JAG1: variants seen among roughly 807,000 people sequenced by gnomAD.
JAG1 encodes jagged canonical Notch ligand 1, also known as protein jagged-1.
JAG1 carries 23 observed loss-of-function variants against 148.7 expected under a neutral mutation model. That is an observed-to-expected ratio of 0.15 (90% CI 0.11 to 0.22). The LOEUF (loss-of-function observed/expected upper bound fraction) is 0.22. Ranked by LOEUF, JAG1 falls within the 10% of genes least tolerant of loss-of-function variation. The pLI, the probability that JAG1 is intolerant of heterozygous loss-of-function variation, is 1.00. For synonymous variants in JAG1, 572 were observed against 598.3 expected, an observed-to-expected ratio of 0.96 and a Z score of 0.64; for missense variants, 1,054 against 1,611.2, an observed-to-expected ratio of 0.65 and a Z score of 5.92.
At chr20:10,660,289 C>A (rs1183160634) in intron 3 of JAG1, among the ~76,000 whole-genome samples, 2 of 147,270 alleles carry the variant, frequency 1.4e-5, no homozygotes. Context: ...TACCTGCAGC[C>A]TGACACCCCG....
intron 2 of JAG1, among the ~76,000 whole-genome samples, chr20:10,667,053 A>G (rs2067458878): frequency 6.6e-6 from 1 of 152,244 alleles, no homozygotes; most frequent in Non-Finnish European, 1.5e-5. Context: ...GGATGTAAGA[A>G]ACAAAGGTAA....
chr20:10,640,064 A>AG, intron 25 of JAG1, 109 bp from the exon 26 acceptor site: 1 of 865,288 alleles, frequency 1.2e-6, no homozygotes. Flanking sequence ...TATCCCTAAG[A>AG]GGGGGGCCAC....
rs1405600714 is a variant in JAG1 at position 10,672,743 on chromosome 20, G to A, written c.345C>T (p.Asn115=). The A allele has an allele frequency of 6.2e-7, 1 of 1,613,064 alleles. No homozygotes were observed. The highest frequency in any genetic ancestry group is 1.7e-5 in the Admixed American group (1 of 60,036). ...NTFNLKASRG[N]DRNRIVLPFS... is the part of the protein sequence containing the mutation. ...AAGGCAGCACGATGCGGTTGCGGTC[G>A]TTGCCGCGGCTGGCCTTGAGGTTGA... The change falls in exon 2 of 26, where the codon AAC becomes AAT. Residue 115 remains asparagine (N), a synonymous_variant. Coordinates refer to ENST00000254958, the MANE Select transcript of JAG1 (RefSeq NM_000214.3).
intron 23 of JAG1, 29 bp from the exon 24 acceptor site, chr20:10,641,273 G>A (rs749716879): frequency 3.1e-5 from 50 of 1,611,652 alleles, no homozygotes; most frequent in Admixed American, 2.5e-4. Context: ...ACCCACACAC[G>A]TGTAAGATTG....
At chr20:10,646,889 C>T (rs752025280) in intron 14 of JAG1, 50 bp downstream of exon 14, 7 of 1,574,534 alleles carry the variant, frequency 4.4e-6, no homozygotes, top group South Asian at 1.1e-5. Flanking sequence ...GAGGCAGGGG[C>T]AGGGGCAGGC....
intron 13 of JAG1, among the ~76,000 whole-genome samples, chr20:10,647,509 G>A (rs1189444301): frequency 6.6e-6 from 1 of 152,186 alleles, no homozygotes; most frequent in Non-Finnish European, 1.5e-5. Context: ...GCAGCCACCG[G>A]CCACATGTGG....
rs1411042222 is a variant in JAG1, at chr20:10,645,080, C to T, written c.2227+63G>A. The stretch of plus-strand genomic sequence containing the variant: ...GAGAAATATCATAAGCTCCAGGGGC[C>T]AACCAGCAGACACGCCCAGGTGGCC... On this transcript the variant is annotated intron_variant, in intron 17 of 25. Transcript: ENST00000254958. The surrounding 1 kb of genome is among the most constrained non-coding windows in gnomAD (Gnocchi z 6.1). The T allele has an allele frequency of 1.3e-6, 2 of 1,523,296 alleles. No homozygotes were observed. Among genetic ancestry groups the T allele is most frequent in the African/African-American group, 2.7e-5 (2 of 73,104 alleles). 94.4% of individuals were successfully genotyped at this position (1,523,296 alleles called of 1,614,324 possible).
chr20:10,647,340 A>G, intron 13 of JAG1: 1 of 575,386 alleles, frequency 1.7e-6, no homozygotes, highest in South Asian at 2.0e-5. Context: ...AGGAAAACCC[A>G]CATGCTTGTG....
In JAG1 at chr20:10,648,557, G is replaced by A; in HGVS notation, c.1561C>T (p.Leu521Phe). The change falls in exon 12 of 26, where the codon CTC (leucine) becomes TTC (phenylalanine). Residue 521 changes from leucine (L) to phenylalanine (F), a missense_variant. Physicochemically the swap from Leu to Phe is conservative, Grantham distance 22 (BLOSUM62 0). This residue lies in a region of JAG1 where 245 missense variants were observed against 373.1 expected (regional missense o/e 0.66). Coordinates refer to ENST00000254958, the MANE Select transcript of JAG1 (RefSeq NM_000214.3). ...CLCPTGFSGN[L>F]CQLDIDYCEP... ...GTTTTGCCACCACTCACCTGACAGA[G>A]GTTTCCAGAGAAACCAGTGGGACAC... The A allele has an allele frequency of 6.2e-7, 1 of 1,613,456 alleles. No homozygotes were observed. Among genetic ancestry groups the A allele is most frequent in the Non-Finnish European group, 8.5e-7 (1 of 1,180,008 alleles).
At chr20:10,651,132 T>C (rs6077864) in intron 8 of JAG1, 12,951 of 165,728 alleles carry the variant, frequency 0.078, 593 homozygotes, top group African/African-American at 0.098. Context: ...AGATTTACAC[T>C]GTAAAGCAGC....
In JAG1 at chr20:10,651,705, CA is replaced by C. The variant is rs1462970716; in HGVS notation, c.1007-12del. On this transcript the variant is annotated splice_polypyrimidine_tract_variant and intron_variant, in intron 7 of 25. Coordinates refer to ENST00000254958, the MANE Select transcript of JAG1 (RefSeq NM_000214.3). ...GGCAGGCGTGCTCAGCTGCAAAAAC[CA>C]GGATGGCAGTCAGAGAGGGATGCCT... 1 of 1,577,564 alleles carries C rather than the reference CA, an allele frequency of 6.3e-7. No homozygotes were observed. The highest frequency in any genetic ancestry group is 1.3e-5 in the African/African-American group (1 of 74,214).
At chr20:10,659,166 G>A (rs907606402) in intron 3 of JAG1, among the ~76,000 whole-genome samples, 1 of 152,228 alleles carries the variant, frequency 6.6e-6, no homozygotes, top group Non-Finnish European at 1.5e-5. Flanking sequence ...CACCCAGGAA[G>A]CTGTGTTTCC....
chr20:10,648,443 G>A, intron 12 of JAG1, 106 bp downstream of exon 12: 4 of 958,076 alleles, frequency 4.2e-6, no homozygotes, highest in Non-Finnish European at 6.8e-6. Flanking sequence ...GTTAATAGAT[G>A]TTAGGAAATT....
At chr20:10,666,149 G>A (rs749211492) in intron 2 of JAG1, among the ~76,000 whole-genome samples, 15 of 152,012 alleles carry the variant, frequency 9.9e-5, no homozygotes, top group Admixed American at 2.0e-4. Flanking sequence ...GGGGCAGGAG[G>A]ATTCCTCCTG....
chr20:10,665,898 A>G (rs1411702680), intron 2 of JAG1, among the ~76,000 whole-genome samples: 3 of 152,166 alleles, frequency 2.0e-5, no homozygotes, highest in African/African-American at 7.2e-5. Context: ...TTGGACGACC[A>G]AGCAGTCTAC....
At chr20:10,644,690 C>T (rs902732602) in intron 18 of JAG1, 173 bp downstream of exon 18, 5 of 671,452 alleles carry the variant, frequency 7.4e-6, no homozygotes, top group Admixed American at 2.2e-5. Flanking sequence ...ATCTTATTGG[C>T]GACTTTCTCA....
At position 10,656,384 on chromosome 20, in the gene JAG1, A is replaced by AC; in HGVS notation, c.755+13dup. 1 of 1,603,926 alleles carries AC rather than the reference A, an allele frequency of 6.2e-7. No individual in the cohort carries two copies. The highest frequency in any genetic ancestry group is 1.1e-5 in the South Asian group (1 of 90,888). On this transcript the variant is annotated intron_variant, in intron 5 of 25. Coordinates refer to ENST00000254958, the MANE Select transcript of JAG1 (RefSeq NM_000214.3). The stretch of plus-strand genomic sequence containing the variant: ...AAAATTAAAAGAAATCTCACAAAAG[A>AC]CCAGTTGATTTACCTGCAGTCACCT...
Position 10,641,491 on chromosome 20 carries a change from G to T in JAG1, c.2885C>A (p.Thr962Lys), listed in dbSNP as rs749841384. Residue 962 changes from threonine to lysine, a missense_variant, in exon 23 of 26, where the codon ACA becomes AAA. This residue lies in a region of JAG1 where 342 missense variants were observed against 514.6 expected (regional missense o/e 0.66). Transcript: ENST00000254958. ...CATCATCTCCTTGTTAAAGGTAAAT[G>T]TGATGTTCGCACAGTTATCCTGGTA... ...SYYQDNCANI[T>K]FTFNKEMMSP... The T allele has an allele frequency of 2.5e-6, 4 of 1,613,992 alleles. No individual in the cohort carries two copies. The highest frequency in any genetic ancestry group is 3.4e-6 in the Non-Finnish European group (4 of 1,179,990).
At position 10,652,225 on chromosome 20, in the gene JAG1, C is replaced by T; in HGVS notation, c.912G>A (p.Gln304=). Residue 304 remains glutamine (Q), a synonymous_variant, in exon 7 of 26, where the codon CAG becomes CAA. Coordinates refer to ENST00000254958, the MANE Select transcript of JAG1 (RefSeq NM_000214.3). ...TACAAGTTCCCCCGTTGAGACACGG[C>T]TGATGAGTCCCACAGTAATTGAGAT... The part of the protein sequence containing the change: ...DKDLNYCGTH[Q]PCLNGGTCSN... 6.2e-7 allele frequency: 1 copy of T among 1,614,096 alleles called. No homozygotes were observed. Among genetic ancestry groups the T allele is most frequent in the Non-Finnish European group, 8.5e-7 (1 of 1,179,970 alleles).
Sources: allele counts gnomAD v4.1 joint callset (sites outside exome capture counted in the v4.1 genomes callset), GRCh38; gene constraint gnomAD v4.1.1; regional missense constraint gnomAD v4.1.1; non-coding constraint Gnocchi (gnomAD v3.1); transcripts MANE v1.5; gene names NCBI Gene and HGNC (gene_info 2026-07-23, HGNC 2026-07-21).